The following MCTP1 variants were observed in gnomAD, a reference collection of about 807,000 sequenced individuals.
MCTP1 encodes the protein multiple C2 and transmembrane domain-containing protein 1.
Under a neutral mutation model 120.6 loss-of-function variants are expected in MCTP1, and 69 were observed. The observed-to-expected ratio is 0.57, with a 90% CI of 0.47 to 0.70. The LOEUF (loss-of-function observed/expected upper bound fraction) is 0.70. MCTP1 is among the 30% of genes least tolerant of loss of function. The pLI is 0.00. For synonymous variants in MCTP1, 529 were observed against 493.1 expected, an observed-to-expected ratio of 1.07 and a Z score of -0.96; for missense variants, 1,203 against 1,248.8, an observed-to-expected ratio of 0.96 and a Z score of 0.55.
At chr5:94,818,624 T>TA (rs1784972393) in intron 17 of MCTP1, among the ~76,000 whole-genome samples, 2 of 152,358 alleles carry the variant, frequency 1.3e-5, no homozygotes, top group South Asian at 4.1e-4. Flanking sequence ...GTGATGGCTC[T>TA]ACCCTTTCTC....
chr5:94,759,698 C>T (rs1163211246), intron 19 of MCTP1, among the ~76,000 whole-genome samples: 1 of 151,986 alleles, frequency 6.6e-6, no homozygotes, highest in Non-Finnish European at 1.5e-5. Flanking sequence ...GCTTTTTAGG[C>T]AGCCTAATAT....
chr5:94,986,259 T>G (rs948838445), intron 2 of MCTP1, among the ~76,000 whole-genome samples: 1 of 152,160 alleles, frequency 6.6e-6, no homozygotes, highest in African/African-American at 2.4e-5. Context: ...ACGTGTTTCT[T>G]TTTTTCCTCA....
intron 1 of MCTP1, among the ~76,000 whole-genome samples, chr5:95,093,528 G>C (rs1049827533): frequency 2.0e-5 from 3 of 152,136 alleles, no homozygotes; most frequent in Admixed American, 6.5e-5. Context: ...CATTTGAGGA[G>C]TCTAAACTTC....
chr5:95,254,402 TCTAA>T lies in MCTP1; in HGVS notation c.720+29450_720+29453del, dbSNP rs139047598. On this transcript the variant is annotated intron_variant, in intron 1 of 22. Transcript: ENST00000515393. ...AGGAACACCGTGAATAAATACCCTA[TCTAA>T]CTAAGGTCACACAGCAATAATGTGA... Among the ~76,000 whole-genome samples, 9 of 152,204 alleles carry T rather than the reference TCTAA, an allele frequency of 5.9e-5. No individual in the cohort carries two copies. In the East Asian group the frequency reaches 1.4e-3, roughly 23 times the overall value.
chr5:95,069,293 T>C (rs1033085994), intron 1 of MCTP1, among the ~76,000 whole-genome samples: 6 of 152,248 alleles, frequency 3.9e-5, no homozygotes, highest in Admixed American at 3.9e-4. Context: ...CATTTGTACG[T>C]ACTCCTAACT....
At chr5:95,164,645 A>T (rs2152482502) in intron 1 of MCTP1, among the ~76,000 whole-genome samples, 1 of 152,364 alleles carries the variant, frequency 6.6e-6, no homozygotes, top group Admixed American at 6.5e-5. Flanking sequence ...ACTAAAATGT[A>T]TTCTTATACT....
chr5:95,120,336 G>A (rs1758133689), intron 1 of MCTP1, among the ~76,000 whole-genome samples: 1 of 151,848 alleles, frequency 6.6e-6, no homozygotes, highest in Admixed American at 6.6e-5. Flanking sequence ...CATTATGCAA[G>A]GCCAGTATTA....
At chr5:95,176,259 T>A (rs1449406856) in intron 1 of MCTP1, among the ~76,000 whole-genome samples, 2 of 152,210 alleles carry the variant, frequency 1.3e-5, no homozygotes, top group Non-Finnish European at 1.5e-5. Context: ...GCGTGGTGGC[T>A]CACGCCTGTA....
intron 1 of MCTP1, among the ~76,000 whole-genome samples, chr5:95,261,966 G>A (rs1382434751): frequency 6.6e-6 from 1 of 152,192 alleles, no homozygotes; most frequent in East Asian, 1.9e-4. Flanking sequence ...AGAGGCAAGA[G>A]GGCTGGGCCT....
chr5:95,110,075 T>G (rs1757348138), intron 1 of MCTP1, among the ~76,000 whole-genome samples: 1 of 152,034 alleles, frequency 6.6e-6, no homozygotes, highest in African/African-American at 2.4e-5. Context: ...ATAAAATATT[T>G]TCCCCAAAAC....
chr5:95,095,132 T>A (rs890941923), intron 1 of MCTP1, among the ~76,000 whole-genome samples: 4 of 140,172 alleles, frequency 2.9e-5, no homozygotes, highest in Admixed American at 7.6e-5. Flanking sequence ...CACGCCATTC[T>A]CCTGCCTCAG....
At chr5:94,722,422 C>T (rs2152645136) in intron 19 of MCTP1, among the ~76,000 whole-genome samples, 1 of 152,194 alleles carries the variant, frequency 6.6e-6, no homozygotes, top group East Asian at 1.9e-4. Context: ...CTGTTGAACA[C>T]CTGTGCTGTA....
At chr5:95,260,775 C>A (rs1175799507) in intron 1 of MCTP1, among the ~76,000 whole-genome samples, 1 of 152,040 alleles carries the variant, frequency 6.6e-6, no homozygotes, top group African/African-American at 2.4e-5. Context: ...TTTCTTCTCC[C>A]CTCGCACGTT....
intron 1 of MCTP1, among the ~76,000 whole-genome samples, chr5:95,092,702 GAAAA>G (rs1174555242): frequency 6.6e-6 from 1 of 151,772 alleles, no homozygotes; most frequent in African/African-American, 2.4e-5. Context: ...AAAAAAGAAA[GAAAA>G]AGAAAAGGTG....
chr5:94,759,558 T>A (rs969107452), intron 19 of MCTP1, among the ~76,000 whole-genome samples: 2 of 152,206 alleles, frequency 1.3e-5, no homozygotes, highest in African/African-American at 2.4e-5. Flanking sequence ...CCCTACGACA[T>A]CTTACGTCTA....
intron 2 of MCTP1, among the ~76,000 whole-genome samples, chr5:94,975,099 GA>G (rs1262138538): frequency 6.6e-6 from 1 of 152,046 alleles, no homozygotes; most frequent in African/African-American, 2.4e-5. Flanking sequence ...ATGGATCAGG[GA>G]AGGTGTCCAA....
At chr5:94,894,564 G>T in intron 11 of MCTP1, 85 bp downstream of exon 11, 1 of 1,025,548 alleles carries the variant, frequency 9.8e-7, no homozygotes, top group Non-Finnish European at 1.4e-6. Context: ...CAACTTCTCA[G>T]AAGTACTTCT....
At chr5:94,787,547 G>GCC (rs1777986520) in intron 18 of MCTP1, among the ~76,000 whole-genome samples, 1 of 151,876 alleles carries the variant, frequency 6.6e-6, no homozygotes, top group Non-Finnish European at 1.5e-5. Flanking sequence ...TAATGTCTAA[G>GCC]CCCCCACTTG....
At position 95,281,411 on chromosome 5, in the gene MCTP1, C is replaced by T. The variant is rs369819641; in HGVS notation, c.720+2445G>A. Among the ~76,000 whole-genome samples, 6 of 152,168 alleles carry T rather than the reference C, an allele frequency of 3.9e-5. No individual in the cohort carries two copies. In the East Asian group the frequency reaches 7.7e-4, roughly 20 times the overall value. On this transcript the variant is annotated intron_variant, in intron 1 of 22. Coordinates refer to ENST00000515393, the MANE Select transcript of MCTP1 (RefSeq NM_024717.7). The stretch of plus-strand genomic sequence containing the variant: ...GATGGGCAGAGAGGTATTTCCAGGA[C>T]TGAGAAATCCTCTCTTTTACATTGG...
Sources: allele counts gnomAD v4.1 joint callset (sites outside exome capture counted in the v4.1 genomes callset), GRCh38; gene constraint gnomAD v4.1.1; transcripts MANE v1.5; gene names NCBI Gene and HGNC (gene_info 2026-07-23, HGNC 2026-07-21).